Variants in MYO9B observed in about 807,000 individuals in gnomAD.
The protein encoded by MYO9B is unconventional myosin-IXb.
In MYO9B, 71 loss-of-function variants were observed where a neutral mutation model predicts 229.5. The ratio of observed to expected loss-of-function variants is 0.31; its 90% CI spans 0.26 to 0.38. The LOEUF (loss-of-function observed/expected upper bound fraction) is 0.38. MYO9B is among the 10% of genes least tolerant of loss of function. The pLI, the probability that MYO9B is intolerant of heterozygous loss-of-function variation, is 1.00. For synonymous variants in MYO9B, 1,185 were observed against 1,235.8 expected (o/e 0.96, Z 0.86); for missense variants, 2,255 against 2,920.5 (o/e 0.77, Z 5.25).
At chr19:17,148,594 A>AT (rs1411634673) in intron 3 of MYO9B, among the ~76,000 whole-genome samples, 11 of 151,464 alleles carry the variant, frequency 7.3e-5, no homozygotes, top group Non-Finnish European at 1.6e-4. Context: ...TTATTTTTTT[A>AT]TTTTTTGGAG....
At chr19:17,180,211 C>T (rs1284975706) in intron 14 of MYO9B, among the ~76,000 whole-genome samples, 3 of 142,914 alleles carry the variant, frequency 2.1e-5, no homozygotes, top group African/African-American at 8.2e-5. Context: ...CCAGCCTGGG[C>T]GACAGAGTGA....
chr19:17,211,732 G>A lies in MYO9B; in HGVS notation c.6016G>A (p.Glu2006Lys), dbSNP rs537479908. ...GGACTCGGAGACGTCGGCCAGCACC[G>A]AGAGCCTGCTGGAGGAGCGGGCCGG... ...NLDSETSAST[E>K]SLLEERAGRG... The change falls in exon 39 of 40, where the codon GAG becomes AAG. Residue 2006 changes from glutamate (E) to lysine (K), a missense_variant. Glu to Lys is a moderately conservative substitution (Grantham distance 56). This residue lies in a region of MYO9B where 331 missense variants were observed against 332.5 expected (regional missense o/e 1.00). Coordinates refer to ENST00000682292, the MANE Select transcript of MYO9B (RefSeq NM_004145.4). 7 of 1,613,078 alleles carry A rather than the reference G, an allele frequency of 4.3e-6. No homozygotes were observed. The highest frequency in any genetic ancestry group is 2.2e-5 in the East Asian group (1 of 44,852).
At chr19:17,116,572 C>T (rs2057905953) in intron 2 of MYO9B, among the ~76,000 whole-genome samples, 1 of 152,152 alleles carries the variant, frequency 6.6e-6, no homozygotes. Context: ...GCATTCCCAG[C>T]CCTGGTGCCT....
intron 35 of MYO9B, 84 bp from the exon 36 acceptor site, chr19:17,209,502 C>G (rs1396043995): frequency 2.8e-6 from 4 of 1,449,364 alleles, no homozygotes; most frequent in Non-Finnish European, 3.7e-6. Flanking sequence ...CACTGCCCCC[C>G]AGGCACCAGC....
At chr19:17,191,482 C>G (rs924112441) in intron 20 of MYO9B, among the ~76,000 whole-genome samples, 2 of 152,184 alleles carry the variant, frequency 1.3e-5, no homozygotes. Context: ...AAGGGACGAT[C>G]GTGCTAACTG....
chr19:17,200,144 A>T, intron 24 of MYO9B, 149 bp from the exon 25 acceptor site: 1 of 1,003,656 alleles, frequency 1.0e-6, no homozygotes, highest in East Asian at 2.7e-5. Flanking sequence ...AAGTGCTGGG[A>T]TTACAGGCAT....
At chr19:17,161,348 G>A (rs780776571) in intron 8 of MYO9B, among the ~76,000 whole-genome samples, 9 of 152,142 alleles carry the variant, frequency 5.9e-5, no homozygotes, top group Non-Finnish European at 1.2e-4. Flanking sequence ...CTCCAGGACA[G>A]GGTGAAATAT....
intron 1 of MYO9B, among the ~76,000 whole-genome samples, chr19:17,091,754 C>T (rs973494700): frequency 6.6e-6 from 1 of 152,116 alleles, no homozygotes. Context: ...GAGGGATGTC[C>T]CTTCTAGGGC....
chr19:17,132,003 C>T (rs2072202521), intron 2 of MYO9B, among the ~76,000 whole-genome samples: 1 of 151,752 alleles, frequency 6.6e-6, no homozygotes, highest in Non-Finnish European at 1.5e-5. Flanking sequence ...TTTCAGCCCC[C>T]TGAGTAGCTG....
At chr19:17,144,969 CAAA>C (rs58527501) in intron 2 of MYO9B, among the ~76,000 whole-genome samples, 2 of 83,554 alleles carry the variant, frequency 2.4e-5, no homozygotes, top group African/African-American at 7.2e-5. Flanking sequence ...GACTTCATCT[CAAA>C]AAAAAAAAAA....
chr19:17,173,952 GCT>G (rs2072753373), intron 13 of MYO9B, among the ~76,000 whole-genome samples: 2 of 150,778 alleles, frequency 1.3e-5, no homozygotes, highest in South Asian at 2.1e-4. Flanking sequence ...AGGAAATAGT[GCT>G]CTGTTTTGGG....
At chr19:17,153,836 G>A in intron 4 of MYO9B, 131 bp from the exon 5 acceptor site, 2 of 674,752 alleles carry the variant, frequency 3.0e-6, no homozygotes, top group Non-Finnish European at 5.3e-6. Flanking sequence ...GACATAGTAA[G>A]AACTGACGTA....
intron 2 of MYO9B, among the ~76,000 whole-genome samples, chr19:17,123,688 C>CATGA (rs1301852627): frequency 3.3e-5 from 5 of 152,040 alleles, no homozygotes; most frequent in Non-Finnish European, 5.9e-5. Context: ...GGATTACAGG[C>CATGA]ATGAGCCACC....
intron 5 of MYO9B, 106 bp downstream of exon 5, chr19:17,154,172 C>A (rs557552603): frequency 1.3e-5 from 17 of 1,333,084 alleles, no homozygotes; most frequent in Non-Finnish European, 1.8e-5. Context: ...CCCCCGAACC[C>A]GCTCCCAGAA....
chr19:17,087,263 C>A (rs10406406), intron 1 of MYO9B, among the ~76,000 whole-genome samples: 1 of 151,800 alleles, frequency 6.6e-6, no homozygotes, highest in Non-Finnish European at 1.5e-5. Flanking sequence ...GGCCAGAATG[C>A]GCTGAAAGAA....
rs564840351 is a variant in MYO9B at position 17,136,681 on chromosome 19, C to T, written c.841-8716C>T. Among the ~76,000 whole-genome samples, 12 of 152,198 alleles carry T rather than the reference C, an allele frequency of 7.9e-5. No homozygotes were observed. The East Asian group carries it at 2.3e-3, about 29-fold the overall frequency. ...CCCCCATCACACAGGATGGTTCACC[C>T]TCAAAAAGTCCCATAGGCACCCAGG... On this transcript the variant is annotated intron_variant, in intron 2 of 39. Coordinates refer to ENST00000682292, the MANE Select transcript of MYO9B (RefSeq NM_004145.4).
At chr19:17,096,895 T>G (rs1435499677) in intron 1 of MYO9B, among the ~76,000 whole-genome samples, 1 of 126,992 alleles carries the variant, frequency 7.9e-6, no homozygotes, top group Non-Finnish European at 1.7e-5. Context: ...TTAGTAGAGA[T>G]GGGGTTTCAC....
At chr19:17,192,610 A>C (rs1289068540) in intron 20 of MYO9B, 136 bp from the exon 21 acceptor site, 2 of 550,892 alleles carry the variant, frequency 3.6e-6, no homozygotes, top group African/African-American at 3.9e-5. Context: ...AATAATAAAT[A>C]AATAAATAAA....
At chr19:17,161,942 T>C (rs1326163428) in intron 8 of MYO9B, among the ~76,000 whole-genome samples, 1 of 149,084 alleles carries the variant, frequency 6.7e-6, no homozygotes, top group Admixed American at 6.8e-5. Flanking sequence ...GAGCCAAGAT[T>C]GCGCTAGTGC....
Sources: allele counts gnomAD v4.1 joint callset (sites outside exome capture counted in the v4.1 genomes callset), GRCh38; gene constraint gnomAD v4.1.1; regional missense constraint gnomAD v4.1.1; transcripts MANE v1.5; gene names NCBI Gene and HGNC (gene_info 2026-07-23, HGNC 2026-07-21).